Variants in GUCY1A1 observed in about 807,000 individuals in gnomAD.
The protein encoded by GUCY1A1 is guanylate cyclase 1 soluble subunit alpha 1.
Under a neutral mutation model 64.5 loss-of-function variants are expected in GUCY1A1, and 48 were observed. The observed-to-expected ratio is 0.74, with a 90% CI of 0.59 to 0.95. GUCY1A1 has a LOEUF of 0.95. Among genes scored for constraint, GUCY1A1 ranks in the 40% least tolerant of loss-of-function variants. GUCY1A1 has a pLI of 0.00. For missense variants in GUCY1A1, 804 were observed against 825.3 expected (o/e 0.97, Z 0.32); for synonymous variants, 308 against 303.4 (o/e 1.02, Z -0.16).
intron 2 of GUCY1A1, among the ~76,000 whole-genome samples, chr4:155,694,354 G>A (rs1415222068): frequency 6.6e-6 from 1 of 152,032 alleles, no homozygotes; most frequent in South Asian, 2.1e-4. Flanking sequence ...ACCAGCCTGG[G>A]TAACATAGTG....
At chr4:155,714,881 C>T (rs1716820103) in intron 7 of GUCY1A1, among the ~76,000 whole-genome samples, 1 of 152,074 alleles carries the variant, frequency 6.6e-6, no homozygotes, top group East Asian at 1.9e-4. Flanking sequence ...GTGGAATTTA[C>T]TATATTTATT....
Position 155,736,319 on chromosome 4 carries a change from T to C in GUCY1A1, c.*6088T>C, listed in dbSNP as rs1275292145. On this transcript the variant is annotated 3_prime_UTR_variant, in exon 10 of 10. Transcript: ENST00000506455. ...TTGGGAAACTGCTACAGTTGGCTAG[T>C]GGGTCTTCACTTTTATTGCTTTGAG... 6.6e-6 allele frequency: 1 copy of C among 151,966 alleles called. No individual in the cohort carries two copies. Among genetic ancestry groups the C allele is most frequent in the East Asian group, 1.9e-4 (1 of 5,156 alleles). 9.4% of individuals were successfully genotyped at this position (151,966 alleles called of 1,614,324 possible).
Position 155,696,820 on chromosome 4 carries a change from T to C in GUCY1A1, c.-48T>C, listed in dbSNP as rs1275612262. 1 of 1,584,832 alleles carries C rather than the reference T, an allele frequency of 6.3e-7. No homozygotes were observed. Among genetic ancestry groups the C allele is most frequent in the East Asian group, 2.2e-5 (1 of 44,676 alleles). ...CTGTTTGTCAGTCTCATATAAGAACTACAGCTCATCAGGAGGAGATCGCAG... is the reference window on the plus strand; with the variant it reads ...CTGTTTGTCAGTCTCATATAAGAACCACAGCTCATCAGGAGGAGATCGCAG... On this transcript the variant is annotated 5_prime_UTR_variant, in exon 3 of 10. Transcript: ENST00000506455.
intron 2 of GUCY1A1, among the ~76,000 whole-genome samples, chr4:155,670,832 C>T (rs1734045872): frequency 1.3e-5 from 2 of 152,180 alleles, no homozygotes; most frequent in South Asian, 2.1e-4. Context: ...TCATCTATCT[C>T]ACCATACTAA....
intron 6 of GUCY1A1, among the ~76,000 whole-genome samples, chr4:155,711,584 T>C (rs1263814449): frequency 6.6e-6 from 1 of 152,220 alleles, no homozygotes; most frequent in African/African-American, 2.4e-5. Flanking sequence ...AGAGGTATTG[T>C]TTTACAACAA....
Position 155,689,393 on chromosome 4 carries a change from A to G in GUCY1A1, c.-112-7363A>G, listed in dbSNP as rs72685783. On this transcript the variant is annotated intron_variant, in intron 2 of 9. Transcript: ENST00000506455. The stretch of plus-strand genomic sequence containing the variant: ...TTTATCTGATTTCCTCATGATCAGC[A>G]TGATGCATCATAAGTAGTGATGATA... 1.9e-3 allele frequency among the ~76,000 whole-genome samples: 296 copies of G among 152,316 alleles called. 3 individuals carry two copies. Among genetic ancestry groups the G allele is most frequent in the Non-Finnish European group, 3.0e-3 (202 of 68,026 alleles).
intron 9 of GUCY1A1, among the ~76,000 whole-genome samples, chr4:155,728,814 T>C (rs551961658): frequency 5.9e-4 from 89 of 151,896 alleles, no homozygotes; most frequent in Non-Finnish European, 7.8e-4. Flanking sequence ...ATTATCCCCA[T>C]TTTAAAGGCT....
intron 2 of GUCY1A1, chr4:155,667,632 G>GGGGACCCGCGGCGCCCGA (rs1350316109): frequency 1.3e-5 from 2 of 152,038 alleles, no homozygotes; most frequent in Non-Finnish European, 2.9e-5. Flanking sequence ...CCAGGGCCCG[G>GGGGACCCGCGGCGCCCGA]GGGACCCGCG....
chr4:155,695,540 C>G (rs149783431), intron 2 of GUCY1A1, among the ~76,000 whole-genome samples: 1 of 152,240 alleles, frequency 6.6e-6, no homozygotes, highest in East Asian at 1.9e-4. Context: ...AGAAACTGCT[C>G]TAATTTAGTA....
At chr4:155,681,341 G>A (rs989494637) in intron 2 of GUCY1A1, among the ~76,000 whole-genome samples, 4 of 152,084 alleles carry the variant, frequency 2.6e-5, no homozygotes, top group African/African-American at 9.7e-5. Context: ...TTTACAGAAA[G>A]CTACAAATAT....
At chr4:155,709,842 A>G (rs1000332859) in intron 5 of GUCY1A1, among the ~76,000 whole-genome samples, 1 of 152,170 alleles carries the variant, frequency 6.6e-6, no homozygotes, top group African/African-American at 2.4e-5. Flanking sequence ...CAAAGAAGAA[A>G]AAAAAAATTG....
intron 3 of GUCY1A1, among the ~76,000 whole-genome samples, chr4:155,700,356 C>G (rs945534758): frequency 3.3e-5 from 5 of 152,040 alleles, no homozygotes; most frequent in African/African-American, 1.2e-4. Context: ...GAAAAAGAAA[C>G]AGTATTACAA....
intron 8 of GUCY1A1, among the ~76,000 whole-genome samples, chr4:155,721,496 A>T (rs1733952231): frequency 6.6e-6 from 1 of 152,136 alleles, no homozygotes; most frequent in Non-Finnish European, 1.5e-5. Flanking sequence ...TTTTCTGCTT[A>T]AATATTACAA....
intron 2 of GUCY1A1, among the ~76,000 whole-genome samples, chr4:155,689,476 T>C (rs1729453186): frequency 6.6e-6 from 1 of 152,088 alleles, no homozygotes; most frequent in African/African-American, 2.4e-5. Flanking sequence ...CACGGGAGAG[T>C]TTTTAAAATA....
intron 2 of GUCY1A1, among the ~76,000 whole-genome samples, chr4:155,679,186 G>GTT (rs1553993878): frequency 1.5e-5 from 1 of 68,654 alleles, no homozygotes; most frequent in Non-Finnish European, 3.9e-5. Flanking sequence ...AATATTTCAT[G>GTT]TTTTTTTTTT....
intron 8 of GUCY1A1, among the ~76,000 whole-genome samples, chr4:155,720,317 T>C (rs1225163032): frequency 6.6e-6 from 1 of 151,466 alleles, no homozygotes; most frequent in African/African-American, 2.4e-5. Flanking sequence ...TAGTTGATAT[T>C]TATGAGCAGA....
In GUCY1A1 at chr4:155,732,734, T is replaced by G. The variant is rs779416224; in HGVS notation, c.*2503T>G. Among the ~76,000 whole-genome samples, 18 of 151,870 alleles carry G rather than the reference T, an allele frequency of 1.2e-4. No homozygotes were observed. Among genetic ancestry groups the G allele is most frequent in the Non-Finnish European group, 1.3e-4 (9 of 67,882 alleles). On this transcript the variant is annotated 3_prime_UTR_variant, in exon 10 of 10. Coordinates refer to ENST00000506455, the MANE Select transcript of GUCY1A1 (RefSeq NM_001130682.3). ...TTACGGGTACTGAGTTATGTTGCCA[T>G]TTAACTATTCTAAAAAATAAGACTG...
At chr4:155,706,517 CT>C (rs967316250) in intron 4 of GUCY1A1, among the ~76,000 whole-genome samples, 1 of 151,104 alleles carries the variant, frequency 6.6e-6, no homozygotes, top group African/African-American at 2.5e-5. Context: ...AGCTGCCCCC[CT>C]CCTCTTTTTT....
At chr4:155,719,091 G>T (rs1733634803) in intron 8 of GUCY1A1, among the ~76,000 whole-genome samples, 1 of 152,118 alleles carries the variant, frequency 6.6e-6, no homozygotes. Flanking sequence ...AGATGTGTAT[G>T]TTTGGGGTGG....
Sources: allele counts gnomAD v4.1 joint callset (sites outside exome capture counted in the v4.1 genomes callset), GRCh38; gene constraint gnomAD v4.1.1; transcripts MANE v1.5; gene names NCBI Gene and HGNC (gene_info 2026-07-23, HGNC 2026-07-21).